GRIN2A: variants seen among roughly 807,000 people sequenced by gnomAD.
GRIN2A encodes the protein glutamate receptor ionotropic, NMDA 2A.
A neutral mutation model predicts 113.4 loss-of-function variants in GRIN2A; 22 were observed. That is an observed-to-expected ratio of 0.19 (90% CI 0.14 to 0.28). GRIN2A has a LOEUF of 0.28. Among genes scored for constraint, GRIN2A ranks in the 10% least tolerant of loss-of-function variants. The pLI is 1.00. For missense variants in GRIN2A, 1,502 were observed against 1,887.0 expected (o/e 0.80, Z 3.78); for synonymous variants, 827 against 738.4 (o/e 1.12, Z -1.94).
chr16:10,113,544 G>A (rs1052261660), intron 2 of GRIN2A, among the ~76,000 whole-genome samples: 1 of 152,162 alleles, frequency 6.6e-6, no homozygotes, highest in African/African-American at 2.4e-5. Context: ...TGCACATTTT[G>A]GGATCACAGT....
At chr16:9,915,446 G>T (rs1026304191) in intron 3 of GRIN2A, among the ~76,000 whole-genome samples, 1 of 152,084 alleles carries the variant, frequency 6.6e-6, no homozygotes, top group Non-Finnish European at 1.5e-5. Context: ...ATACAAACAA[G>T]TATTTTTCTG....
At chr16:10,144,924 A>AG (rs1555487359) in intron 2 of GRIN2A, among the ~76,000 whole-genome samples, 1 of 149,900 alleles carries the variant, frequency 6.7e-6, no homozygotes, top group African/African-American at 2.4e-5. Flanking sequence ...CTGTCTCAAA[A>AG]AAAAAAAAAA....
At chr16:9,898,949 A>G (rs531657606) in intron 3 of GRIN2A, among the ~76,000 whole-genome samples, 6 of 151,586 alleles carry the variant, frequency 4.0e-5, no homozygotes, top group African/African-American at 1.5e-4. Flanking sequence ...ACTTCACTCT[A>G]CTTTTGCCAG....
chr16:9,783,882 T>G (rs1902066142), intron 11 of GRIN2A, among the ~76,000 whole-genome samples: 1 of 152,116 alleles, frequency 6.6e-6, no homozygotes, highest in South Asian at 2.1e-4. Context: ...GAAAACCAAA[T>G]ACCCCATGTT....
intron 2 of GRIN2A, among the ~76,000 whole-genome samples, chr16:10,083,998 G>A (rs1320802670): frequency 1.3e-5 from 2 of 152,150 alleles, no homozygotes; most frequent in Non-Finnish European, 2.9e-5. Context: ...GCTACTTGGG[G>A]GTTGAAGAAG....
chr16:10,059,910 GC>G (rs1482439231), intron 2 of GRIN2A, among the ~76,000 whole-genome samples: 1 of 152,136 alleles, frequency 6.6e-6, no homozygotes, highest in Non-Finnish European at 1.5e-5. Context: ...TTACATAGGA[GC>G]CACTGGGACA....
intron 11 of GRIN2A, among the ~76,000 whole-genome samples, chr16:9,778,795 C>G (rs891321051): frequency 2.6e-5 from 4 of 152,236 alleles, no homozygotes; most frequent in Admixed American, 2.6e-4. Context: ...CAGCTCTTGT[C>G]TGACCCATGT....
chr16:10,028,180 G>C (rs1338959550), intron 2 of GRIN2A, among the ~76,000 whole-genome samples: 1 of 152,222 alleles, frequency 6.6e-6, no homozygotes, highest in Non-Finnish European at 1.5e-5. Flanking sequence ...AACTCTATGA[G>C]GCAGGAACTG....
chr16:10,161,534 G>C (rs1041456584), intron 2 of GRIN2A, among the ~76,000 whole-genome samples: 1 of 152,200 alleles, frequency 6.6e-6, no homozygotes, highest in Non-Finnish European at 1.5e-5. Context: ...GAATTTTTAA[G>C]ATCAAATTCA....
At chr16:10,090,625 G>A (rs34343026) in intron 2 of GRIN2A, among the ~76,000 whole-genome samples, 11,280 of 151,480 alleles carry the variant, frequency 0.074, 529 homozygotes, top group Non-Finnish European at 0.11. Context: ...TGGGTTAAGC[G>A]GAAAGCTCTT....
chr16:9,839,498 G>A (rs969472917), intron 7 of GRIN2A, among the ~76,000 whole-genome samples: 13 of 151,816 alleles, frequency 8.6e-5, no homozygotes, highest in Non-Finnish European at 1.6e-4. Context: ...AATATGATTC[G>A]ATTAATTTTA....
intron 4 of GRIN2A, among the ~76,000 whole-genome samples, chr16:9,883,689 C>A (rs2043530675): frequency 6.6e-6 from 1 of 152,120 alleles, no homozygotes; most frequent in Admixed American, 6.5e-5. Context: ...TGACTTTGGA[C>A]AAGGTGATAT....
At chr16:10,132,272 C>T (rs1432615030) in intron 2 of GRIN2A, among the ~76,000 whole-genome samples, 1 of 145,246 alleles carries the variant, frequency 6.9e-6, no homozygotes, top group Non-Finnish European at 1.5e-5. Flanking sequence ...GCAGAGGTTG[C>T]AGCGAGCTGA....
rs773358718 is a variant in GRIN2A, at chr16:9,798,449, G to C, written c.2184C>G (p.Phe728Leu). 1.9e-6 allele frequency: 3 copies of C among 1,614,044 alleles called. No individual in the cohort carries two copies. Among genetic ancestry groups the C allele is most frequent in the Non-Finnish European group, 2.5e-6 (3 of 1,179,924 alleles). The change falls in exon 11 of 13, where the codon TTC becomes TTG. Residue 728 changes from phenylalanine to leucine, a missense_variant. By Grantham distance (22) the Phe-to-Leu change is conservative. Transcript: ENST00000330684. ...VSLKTGKLDA[F>L]IYDAAVLNYK... ...AATTCAAGACTGCGGCATCGTAGAT[G>C]AAAGCGTCCAGCTTCCTGAAATGAC...
At chr16:9,777,823 G>T (rs1168943076) in intron 11 of GRIN2A, among the ~76,000 whole-genome samples, 1 of 152,222 alleles carries the variant, frequency 6.6e-6, no homozygotes. Context: ...CAGCACTCTG[G>T]GAGGCCGAGG....
intron 4 of GRIN2A, among the ~76,000 whole-genome samples, chr16:9,861,966 G>A (rs1024871290): frequency 6.6e-6 from 1 of 152,314 alleles, no homozygotes; most frequent in South Asian, 2.1e-4. Flanking sequence ...AACCTTTCCT[G>A]GAAGCTGATT....
At chr16:10,172,270 C>T (rs772443219) in intron 2 of GRIN2A, among the ~76,000 whole-genome samples, 4 of 152,196 alleles carry the variant, frequency 2.6e-5, no homozygotes, top group African/African-American at 7.2e-5. Context: ...TTGGATCTTC[C>T]AACTCAAGTT....
intron 4 of GRIN2A, among the ~76,000 whole-genome samples, chr16:9,852,055 A>G (rs1284997935): frequency 6.6e-5 from 10 of 152,192 alleles, no homozygotes; most frequent in Non-Finnish European, 4.4e-5. Flanking sequence ...ATAACTTTTG[A>G]GCACTCCTGT....
intron 2 of GRIN2A, among the ~76,000 whole-genome samples, chr16:9,953,813 T>A (rs1003565018): frequency 6.6e-6 from 1 of 151,926 alleles, no homozygotes; most frequent in African/African-American, 2.4e-5. Context: ...TGTGGTGCAG[T>A]GAGATGTTCA....
Sources: allele counts gnomAD v4.1 joint callset (sites outside exome capture counted in the v4.1 genomes callset), GRCh38; gene constraint gnomAD v4.1.1; transcripts MANE v1.5; gene names NCBI Gene and HGNC (gene_info 2026-07-23, HGNC 2026-07-21).